The following CCDC170 variants were observed in gnomAD, a reference collection of about 807,000 sequenced individuals.
The protein encoded by CCDC170 is coiled-coil domain containing 170.
In CCDC170, 69 loss-of-function variants were observed where a neutral mutation model predicts 72.6. That is an observed-to-expected ratio of 0.95 (90% CI 0.78 to 1.16). The LOEUF is 1.16. CCDC170 is among the 50% of genes most tolerant of loss of function. CCDC170 has a pLI of 0.00. For missense variants in CCDC170, 852 were observed against 832.5 expected, an observed-to-expected ratio of 1.02 and a Z score of -0.29; for synonymous variants, 300 against 303.9, an observed-to-expected ratio of 0.99 and a Z score of 0.13.
At chr6:151,563,388 T>G (rs1776077647) in intron 5 of CCDC170, among the ~76,000 whole-genome samples, 1 of 152,180 alleles carries the variant, frequency 6.6e-6, no homozygotes, top group Non-Finnish European at 1.5e-5. Context: ...TGTGTTTCCT[T>G]TGTCCCAACA....
chr6:151,579,424 G>T (rs1018602723), intron 6 of CCDC170, among the ~76,000 whole-genome samples: 2 of 152,196 alleles, frequency 1.3e-5, no homozygotes, highest in African/African-American at 2.4e-5. Flanking sequence ...CTGAAGCTAC[G>T]TTCTGTGATC....
intron 7 of CCDC170, among the ~76,000 whole-genome samples, chr6:151,586,823 T>C (rs4869743): frequency 0.45 from 68,391 of 151,620 alleles, 18,639 homozygotes; most frequent in East Asian, 0.82. Context: ...CTCGCTCTGT[T>C]GCCCAGGCTG....
chr6:151,528,446 G>A (rs936431371), intron 1 of CCDC170, among the ~76,000 whole-genome samples: 1 of 152,162 alleles, frequency 6.6e-6, no homozygotes, highest in Non-Finnish European at 1.5e-5. Flanking sequence ...TAAAGACACA[G>A]CATAGCAGGG....
intron 2 of CCDC170, 86 bp from the exon 3 acceptor site, chr6:151,537,959 T>A: frequency 7.5e-7 from 1 of 1,332,254 alleles, no homozygotes; most frequent in Non-Finnish European, 1.0e-6. Context: ...GAGTGAACAT[T>A]TAAATGATGG....
chr6:151,512,165 T>G (rs1782160121), intron 1 of CCDC170, among the ~76,000 whole-genome samples: 4 of 148,896 alleles, frequency 2.7e-5, no homozygotes, highest in South Asian at 2.1e-4. Context: ...TTTTTTTGTT[T>G]TTTTTTTTTT....
intron 6 of CCDC170, 140 bp from the exon 7 acceptor site, chr6:151,585,749 A>T: frequency 1.5e-6 from 1 of 677,964 alleles, no homozygotes; most frequent in African/African-American, 1.8e-5. Context: ...GCTATCAATT[A>T]CATATTTTAA....
intron 5 of CCDC170, among the ~76,000 whole-genome samples, chr6:151,557,116 A>G (rs908638332): frequency 6.6e-5 from 10 of 152,130 alleles, no homozygotes; most frequent in African/African-American, 2.2e-4. Context: ...CACATTAAAA[A>G]AATCTATTCA....
intron 4 of CCDC170, among the ~76,000 whole-genome samples, chr6:151,545,923 C>T (rs1782763710): frequency 1.3e-5 from 2 of 152,124 alleles, no homozygotes. Flanking sequence ...TGTGGGCCAC[C>T]ATGCCCAGCA....
chr6:151,508,319 C>A (rs1583002009), intron 1 of CCDC170, among the ~76,000 whole-genome samples: 1 of 152,262 alleles, frequency 6.6e-6, no homozygotes, highest in East Asian at 1.9e-4. Flanking sequence ...GGATGGATCA[C>A]CTGAGGTCAG....
chr6:151,525,131 A>G (rs1484763684), intron 1 of CCDC170, among the ~76,000 whole-genome samples: 1 of 152,038 alleles, frequency 6.6e-6, no homozygotes, highest in Non-Finnish European at 1.5e-5. Context: ...ACAGGGTTTC[A>G]CTGTGTTAGC....
At chr6:151,526,111 CCTTCCTTT>C (rs1288804256) in intron 1 of CCDC170, among the ~76,000 whole-genome samples, 47 of 151,424 alleles carry the variant, frequency 3.1e-4, no homozygotes, top group African/African-American at 9.2e-4. Context: ...TTCCTTCCTT[CCTTCCTTT>C]CTTCCTTCCT....
chr6:151,614,511 A>G (rs1181827418), intron 9 of CCDC170, among the ~76,000 whole-genome samples: 2 of 151,850 alleles, frequency 1.3e-5, no homozygotes, highest in Non-Finnish European at 2.9e-5. Context: ...CTGGAGTGCA[A>G]TGGCGCAATC....
chr6:151,511,850 T>C (rs1163704556), intron 1 of CCDC170, among the ~76,000 whole-genome samples: 2 of 152,218 alleles, frequency 1.3e-5, no homozygotes, highest in Non-Finnish European at 2.9e-5. Context: ...TATATGTATA[T>C]CTTTTTTATT....
At chr6:151,518,230 C>T (rs749112791) in intron 1 of CCDC170, among the ~76,000 whole-genome samples, 1 of 152,096 alleles carries the variant, frequency 6.6e-6, no homozygotes, top group Non-Finnish European at 1.5e-5. Flanking sequence ...TGGAGTGTTG[C>T]AAGCTATCTT....
chr6:151,573,403 G>A lies in CCDC170; in HGVS notation c.1004G>A (p.Arg335Lys), dbSNP rs760781876. 3 of 1,614,146 alleles carry A rather than the reference G, an allele frequency of 1.9e-6. No homozygotes were observed. Among genetic ancestry groups the A allele is most frequent in the Non-Finnish European group, 8.5e-7 (1 of 1,180,018 alleles). Reference protein sequence around the residue: ...SFREKIAALLRGRLSMTGSTE... With the variant: ...SFREKIAALLKGRLSMTGSTE... Reference sequence around the variant, plus strand: ...AGGGAGAAAATCGCAGCCCTCCTTAGGGGCAGATTGAGCATGACTGGGTCC... The same window carrying A: ...AGGGAGAAAATCGCAGCCCTCCTTAAGGGCAGATTGAGCATGACTGGGTCC... The change falls in exon 6 of 11, where the codon AGG becomes AAG. Residue 335 changes from arginine to lysine, a missense_variant. Coordinates refer to ENST00000239374, the MANE Select transcript of CCDC170 (RefSeq NM_025059.4).
At chr6:151,574,072 T>C (rs1311765091) in intron 6 of CCDC170, among the ~76,000 whole-genome samples, 1 of 152,166 alleles carries the variant, frequency 6.6e-6, no homozygotes, top group African/African-American at 2.4e-5. Flanking sequence ...GACCCCTCTC[T>C]CTACTGAAAA....
rs1236074614 is a variant in CCDC170, at chr6:151,618,146, G to T, written c.2147G>T (p.Ter716LeuextTer28). Residue 716 changes from the stop codon to leucine (L), a stop_lost, in exon 11 of 11, where the codon TGA becomes TTA. Transcript: ENST00000239374. ...HPQGHLQLLH[*>L] ...CAAGGCCATTTACAGCTTCTTCATT[G>T]AACACTGTATCTCTTGAGAGAGGTG... The T allele has an allele frequency of 1.2e-6, 2 of 1,613,266 alleles. No individual in the cohort carries two copies. The highest frequency in any genetic ancestry group is 1.7e-6 in the Non-Finnish European group (2 of 1,179,576).
chr6:151,504,927 G>A (rs1782045113), intron 1 of CCDC170, among the ~76,000 whole-genome samples: 1 of 151,980 alleles, frequency 6.6e-6, no homozygotes, highest in Admixed American at 6.6e-5. Context: ...GCTGCAGTAG[G>A]GACTGAGTGG....
intron 1 of CCDC170, among the ~76,000 whole-genome samples, chr6:151,525,054 T>G (rs1375607492): frequency 1.3e-5 from 2 of 149,890 alleles, no homozygotes; most frequent in African/African-American, 4.9e-5. Flanking sequence ...TGCTTCAGCC[T>G]CCCTAGTGGC....
Sources: allele counts gnomAD v4.1 joint callset (sites outside exome capture counted in the v4.1 genomes callset), GRCh38; gene constraint gnomAD v4.1.1; transcripts MANE v1.5; gene names NCBI Gene and HGNC (gene_info 2026-07-23, HGNC 2026-07-21).